CAST: variants seen among roughly 807,000 people sequenced by gnomAD.
The protein encoded by CAST is calpastatin, also known as MIR583 host.
A neutral mutation model predicts 119.6 loss-of-function variants in CAST; 76 were observed. The ratio of observed to expected loss-of-function variants is 0.64; its 90% CI spans 0.53 to 0.77. CAST has a LOEUF of 0.77. CAST is among the 30% of genes least tolerant of loss of function. The pLI is 0.00. For synonymous variants in CAST, 319 were observed against 331.6 expected (o/e 0.96, Z 0.41); for missense variants, 953 against 946.5 (o/e 1.01, Z -0.09).
the CAST span, among the ~76,000 whole-genome samples, chr5:95,990,875 A>G: frequency 3.9e-5 from 6 of 152,258 alleles, no homozygotes; most frequent in South Asian, 8.3e-4. Flanking sequence ...AAGCACTAGG[A>G]TTACAGGTGT....
chr5:96,348,937 A>G, the CAST span, among the ~76,000 whole-genome samples: 1 of 152,140 alleles, frequency 6.6e-6, no homozygotes, highest in Admixed American at 6.6e-5. Flanking sequence ...AAGTGCAAGG[A>G]AGACATGTTT....
intron 1 of CAST, among the ~76,000 whole-genome samples, chr5:96,635,351 G>C (rs1259680056): frequency 6.6e-6 from 1 of 152,170 alleles, no homozygotes; most frequent in Non-Finnish European, 1.5e-5. Flanking sequence ...AGCCTAGAAA[G>C]AACAAGTGTT....
the CAST span, chr5:96,397,493 G>A: frequency 6.2e-7 from 1 of 1,604,774 alleles, no homozygotes; most frequent in Non-Finnish European, 8.5e-7. Flanking sequence ...ACAAGTTAAT[G>A]AATGTCCTAA....
chr5:96,753,490 A>C (rs1476780042), intron 20 of CAST, among the ~76,000 whole-genome samples: 2 of 152,216 alleles, frequency 1.3e-5, no homozygotes, highest in Non-Finnish European at 2.9e-5. Flanking sequence ...CATTTTGAAC[A>C]ATCGGACCAC....
intron 1 of CAST, among the ~76,000 whole-genome samples, chr5:96,540,680 T>A (rs183150841): frequency 1.3e-5 from 2 of 152,374 alleles, no homozygotes; most frequent in Admixed American, 1.3e-4. Context: ...TCATCCTTGA[T>A]ACTACATAAC....
At chr5:96,368,476 G>A in the CAST span, among the ~76,000 whole-genome samples, 7 of 150,986 alleles carry the variant, frequency 4.6e-5, no homozygotes, top group African/African-American at 1.5e-4. Flanking sequence ...CTCTAGCCTG[G>A]GGCAACAAGA....
chr5:96,650,311 G>A (rs192060470), intron 1 of CAST, among the ~76,000 whole-genome samples: 1 of 152,286 alleles, frequency 6.6e-6, no homozygotes, highest in Non-Finnish European at 1.5e-5. Flanking sequence ...AGAGGCCTCA[G>A]GTTGAAATGA....
At chr5:96,444,645 T>C in the CAST span, among the ~76,000 whole-genome samples, 1 of 152,224 alleles carries the variant, frequency 6.6e-6, no homozygotes, top group African/African-American at 2.4e-5. Context: ...ATTTTATAAA[T>C]GTTCCTTTTA....
the CAST span, among the ~76,000 whole-genome samples, chr5:96,123,524 A>G: frequency 6.6e-6 from 1 of 152,158 alleles, no homozygotes; most frequent in African/African-American, 2.4e-5. Flanking sequence ...TTAAGGCTTT[A>G]TTTTAAGTAG....
At chr5:96,051,103 C>T in the CAST span, among the ~76,000 whole-genome samples, 2 of 151,982 alleles carry the variant, frequency 1.3e-5, no homozygotes, top group Non-Finnish European at 2.9e-5. Context: ...CCTGTTTTTC[C>T]TCTTTTCCTA....
the CAST span, among the ~76,000 whole-genome samples, chr5:96,490,663 A>G: frequency 6.6e-6 from 1 of 152,222 alleles, no homozygotes; most frequent in African/African-American, 2.4e-5. Context: ...TTGTCATCAC[A>G]ACAAATTATG....
the CAST span, chr5:96,393,455 A>G: frequency 2.1e-5 from 33 of 1,537,236 alleles, no homozygotes; most frequent in African/African-American, 4.4e-4. Context: ...CAACCCTACC[A>G]CAGGAACGCT....
chr5:96,596,426 C>T (rs111950363), intron 1 of CAST, among the ~76,000 whole-genome samples: 1 of 152,222 alleles, frequency 6.6e-6, no homozygotes, highest in Admixed American at 6.5e-5. Context: ...ACCCCACCAA[C>T]CTCTTGATAT....
the CAST span, among the ~76,000 whole-genome samples, chr5:96,275,172 T>C: frequency 1.3e-5 from 2 of 152,226 alleles, no homozygotes; most frequent in African/African-American, 4.8e-5. Context: ...AGTCTGGGGC[T>C]CTTGCTTGTT....
the CAST span, among the ~76,000 whole-genome samples, chr5:96,008,971 C>G: frequency 3.3e-5 from 5 of 152,126 alleles, no homozygotes; most frequent in Non-Finnish European, 5.9e-5. Flanking sequence ...TGCCCCACCC[C>G]GCCTCTATCA....
the CAST span, among the ~76,000 whole-genome samples, chr5:96,404,683 C>T: frequency 6.6e-6 from 1 of 152,196 alleles, no homozygotes; most frequent in Non-Finnish European, 1.5e-5. Context: ...GCCTCTCCCT[C>T]ACAGGGCTGT....
the CAST span, among the ~76,000 whole-genome samples, chr5:96,340,156 CA>C: frequency 6.6e-6 from 1 of 152,330 alleles, no homozygotes; most frequent in East Asian, 1.9e-4. Context: ...TTATATTTTG[CA>C]GCATCTAATG....
At chr5:96,442,402 T>G in the CAST span, among the ~76,000 whole-genome samples, 1 of 152,238 alleles carries the variant, frequency 6.6e-6, no homozygotes, top group African/African-American at 2.4e-5. Context: ...GCCATTTTCT[T>G]TGCTTTGCAT....
intron 1 of CAST, among the ~76,000 whole-genome samples, chr5:96,542,456 T>A (rs1580816912): frequency 4.3e-5 from 1 of 23,216 alleles, no homozygotes; most frequent in Admixed American, 7.0e-4. Flanking sequence ...GTATTGTCAG[T>A]TTTTTTATTT....
Sources: gnomAD v4.1 joint callset for allele counts (sites outside exome capture counted in the v4.1 genomes callset) on GRCh38, gnomAD v4.1.1 for gene constraint, MANE v1.5 for transcripts, NCBI Gene and HGNC (gene_info 2026-07-23, HGNC 2026-07-21) for gene names.